COL26A1: variants seen among roughly 807,000 people sequenced by gnomAD.
COL26A1 encodes the protein collagen alpha-1(XXVI) chain.
In COL26A1, 41 loss-of-function variants were observed where a neutral mutation model predicts 59.3. That is an observed-to-expected ratio of 0.69 (90% CI 0.54 to 0.90). The LOEUF is 0.90. Ranked by LOEUF, COL26A1 falls within the 40% of genes least tolerant of loss-of-function variation. The pLI is 0.00. For missense variants in COL26A1, 612 were observed against 602.3 expected, an observed-to-expected ratio of 1.02 and a Z score of -0.17; for synonymous variants, 266 against 256.0, an observed-to-expected ratio of 1.04 and a Z score of -0.37.
Position 101,412,184 on chromosome 7 carries a change from G to A in COL26A1, c.159-7793G>A, listed in dbSNP as rs1265880343. Among the ~76,000 whole-genome samples, 4 of 152,176 alleles carry A rather than the reference G, an allele frequency of 2.6e-5. No homozygotes were observed. In the East Asian group the frequency reaches 7.8e-4, roughly 30 times the overall value. On this transcript the variant is annotated intron_variant, in intron 1 of 12. Transcript: ENST00000313669. Reference sequence around the variant, plus strand: ...GACTAGCTAAACAAAACAGATCGGGGCAGAAGCGCCTCCCCATAAGACATG... The same window carrying A: ...GACTAGCTAAACAAAACAGATCGGGACAGAAGCGCCTCCCCATAAGACATG...
chr7:101,502,808 C>T (rs1157619014), intron 3 of COL26A1, among the ~76,000 whole-genome samples: 6 of 152,224 alleles, frequency 3.9e-5, no homozygotes, highest in Non-Finnish European at 8.8e-5. Context: ...AGCGGCTGTC[C>T]AATCTCTTCT....
intron 3 of COL26A1, among the ~76,000 whole-genome samples, chr7:101,469,912 G>C (rs530023712): frequency 2.0e-5 from 3 of 152,214 alleles, no homozygotes; most frequent in African/African-American, 7.2e-5. Flanking sequence ...CAGCCAACTG[G>C]GAGAGATGCA....
intron 2 of COL26A1, among the ~76,000 whole-genome samples, chr7:101,422,605 T>C (rs1282927328): frequency 1.3e-5 from 2 of 151,982 alleles, no homozygotes; most frequent in African/African-American, 4.8e-5. Flanking sequence ...GGGCTTTGGC[T>C]CAGAGCTCTG....
intron 2 of COL26A1, among the ~76,000 whole-genome samples, chr7:101,434,182 CCTTCTCTCT>C (rs764665988): frequency 0.011 from 1,373 of 128,580 alleles, 1 homozygote; most frequent in Non-Finnish European, 0.014. Flanking sequence ...TTCCTTCCTT[CCTTCTCTCT>C]CTCTCTCTCT....
At chr7:101,460,541 G>C (rs1562991445) in intron 3 of COL26A1, among the ~76,000 whole-genome samples, 1 of 152,098 alleles carries the variant, frequency 6.6e-6, no homozygotes, top group Admixed American at 6.6e-5. Context: ...CCAGCACTTA[G>C]GGAGGTGGAG....
chr7:101,419,003 TC>T (rs1792443732), intron 1 of COL26A1, among the ~76,000 whole-genome samples: 1 of 150,572 alleles, frequency 6.6e-6, no homozygotes, highest in Non-Finnish European at 1.5e-5. Flanking sequence ...TTTCTCTCTC[TC>T]TCTCTCTCTG....
chr7:101,401,038 G>A (rs188305302), intron 1 of COL26A1, among the ~76,000 whole-genome samples: 17 of 152,326 alleles, frequency 1.1e-4, no homozygotes, highest in Admixed American at 6.5e-4. Flanking sequence ...GGTGTGTCCC[G>A]TGTGAGGCTG....
chr7:101,496,794 G>GAGT (rs1295793958), intron 3 of COL26A1, among the ~76,000 whole-genome samples: 1 of 151,928 alleles, frequency 6.6e-6, no homozygotes, highest in Non-Finnish European at 1.5e-5. Context: ...GCTGAGGCAG[G>GAGT]AGGATCACTT....
intron 1 of COL26A1, among the ~76,000 whole-genome samples, chr7:101,415,828 T>C (rs1353991008): frequency 6.6e-6 from 1 of 151,974 alleles, no homozygotes; most frequent in South Asian, 2.1e-4. Flanking sequence ...AGATGGGGTC[T>C]TGCCGTGTTG....
chr7:101,408,996 T>C (rs1401327714), intron 1 of COL26A1, among the ~76,000 whole-genome samples: 3 of 152,224 alleles, frequency 2.0e-5, no homozygotes, highest in Non-Finnish European at 4.4e-5. Flanking sequence ...GAGTTGCCCG[T>C]TGACTTGTTG....
intron 1 of COL26A1, among the ~76,000 whole-genome samples, chr7:101,410,238 A>G (rs953562464): frequency 6.6e-6 from 1 of 152,178 alleles, no homozygotes; most frequent in East Asian, 1.9e-4. Context: ...TCATCAGTTC[A>G]TCTGAATGCA....
intron 2 of COL26A1, among the ~76,000 whole-genome samples, chr7:101,443,076 T>C (rs766367662): frequency 4.0e-5 from 6 of 151,092 alleles, no homozygotes; most frequent in Non-Finnish European, 8.8e-5. Context: ...TGTGAGTGTG[T>C]GTTTATTGTG....
chr7:101,408,656 C>A (rs1792180821), intron 1 of COL26A1, among the ~76,000 whole-genome samples: 1 of 152,206 alleles, frequency 6.6e-6, no homozygotes, highest in Admixed American at 6.5e-5. Context: ...TTGACTCATG[C>A]TGAACTTATT....
At chr7:101,463,380 G>T (rs180789341) in intron 3 of COL26A1, among the ~76,000 whole-genome samples, 130 of 152,190 alleles carry the variant, frequency 8.5e-4, no homozygotes, top group African/African-American at 2.9e-3. Flanking sequence ...TTCCACTGTA[G>T]GGATATTACT....
chr7:101,539,769 C>A, intron 4 of COL26A1, 124 bp from the exon 5 acceptor site: 1 of 969,156 alleles, frequency 1.0e-6, no homozygotes, highest in Non-Finnish European at 1.5e-6. Flanking sequence ...AGGAGCGTGA[C>A]GGGGCACACA....
intron 3 of COL26A1, among the ~76,000 whole-genome samples, chr7:101,463,636 TTCCTTCCA>T (rs1294437692): frequency 0.14 from 6,994 of 50,310 alleles, 500 homozygotes; most frequent in African/African-American, 0.31. Context: ...TCTTCCTTCC[TTCCTTCCA>T]TCCTTCCATC....
At chr7:101,530,955 TTTTTTG>T (rs1407361262) in intron 3 of COL26A1, among the ~76,000 whole-genome samples, 1 of 152,062 alleles carries the variant, frequency 6.6e-6, no homozygotes, top group Non-Finnish European at 1.5e-5. Context: ...TTTCTTGTTT[TTTTTTG>T]TTTTTTGTTT....
chr7:101,422,238 G>T (rs1165756774), intron 2 of COL26A1, among the ~76,000 whole-genome samples: 1 of 151,464 alleles, frequency 6.6e-6, no homozygotes, highest in African/African-American at 2.4e-5. Context: ...CTTGAACCGG[G>T]AGAAGGAGGT....
At chr7:101,416,071 A>AT (rs555044602) in intron 1 of COL26A1, among the ~76,000 whole-genome samples, 7 of 142,132 alleles carry the variant, frequency 4.9e-5, no homozygotes, top group African/African-American at 9.9e-5. Context: ...TCTATATGGA[A>AT]TTTTTTTTTC....
Sources: gnomAD v4.1 joint callset for allele counts (sites outside exome capture counted in the v4.1 genomes callset) on GRCh38, gnomAD v4.1.1 for gene constraint, MANE v1.5 for transcripts, NCBI Gene and HGNC (gene_info 2026-07-23, HGNC 2026-07-21) for gene names.